NCAM2: variants seen among roughly 807,000 people sequenced by gnomAD.
NCAM2 encodes N-CAM-2.
A neutral mutation model predicts 98.1 loss-of-function variants in NCAM2; 30 were observed. The observed-to-expected ratio is 0.31, with a 90% confidence interval of 0.23 to 0.41. The LOEUF is 0.41. NCAM2 is among the 10% of genes least tolerant of loss of function. NCAM2 has a pLI of 1.00. For missense variants in NCAM2, 867 were observed against 1,005.8 expected (o/e 0.86, Z 1.87); for synonymous variants, 368 against 342.4 (o/e 1.07, Z -0.83).
At chr21:21,220,289 A>G (rs2070091517) in intron 1 of NCAM2, among the ~76,000 whole-genome samples, 1 of 152,198 alleles carries the variant, frequency 6.6e-6, no homozygotes, top group South Asian at 2.1e-4. Flanking sequence ...TAAATGTCAT[A>G]CATAGGCATA....
chr21:21,164,428 CAAGATATTTGCAAAG>C (rs1391575964), intron 1 of NCAM2, among the ~76,000 whole-genome samples: 5 of 152,020 alleles, frequency 3.3e-5, no homozygotes, highest in Non-Finnish European at 7.4e-5. Context: ...ATTACCTTTG[CAAGATATTTGCAAAG>C]AAGAATTGAT....
chr21:21,113,345 A>G (rs769414010), intron 1 of NCAM2, among the ~76,000 whole-genome samples: 1 of 152,210 alleles, frequency 6.6e-6, no homozygotes, highest in Non-Finnish European at 1.5e-5. Context: ...GGGAAAAGCC[A>G]ATTTCATTTA....
chr21:21,448,507 A>AAAAT (rs34765240), intron 12 of NCAM2, among the ~76,000 whole-genome samples: 3,393 of 151,498 alleles, frequency 0.022, 92 homozygotes, highest in East Asian at 0.12. Flanking sequence ...AAATTGAAGT[A>AAAAT]AAATAAATAA....
Position 21,542,307 on chromosome 21 carries a change from A to G in NCAM2, c.*4350A>G, listed in dbSNP as rs1172596607. On this transcript the variant is annotated 3_prime_UTR_variant, in exon 18 of 18. Transcript: ENST00000400546. The stretch of plus-strand genomic sequence containing the variant: ...GAATAGATTAATTATATCTTCTCAT[A>G]TAAAGGCAAAGAATTTTATATTATA... The G allele has an allele frequency of 6.6e-6, 1 of 151,804 alleles. No individual in the cohort carries two copies. Among genetic ancestry groups the G allele is most frequent in the African/African-American group, 2.4e-5 (1 of 41,430 alleles). 9.4% of individuals were successfully genotyped at this position (151,804 alleles called of 1,614,324 possible).
intron 1 of NCAM2, among the ~76,000 whole-genome samples, chr21:21,090,923 C>A (rs2066000044): frequency 6.6e-6 from 1 of 152,190 alleles, no homozygotes; most frequent in South Asian, 2.1e-4. Flanking sequence ...TAGACCACAA[C>A]CCCACCCCTA....
chr21:21,499,609 G>A (rs1987492030), intron 15 of NCAM2, among the ~76,000 whole-genome samples: 1 of 152,058 alleles, frequency 6.6e-6, no homozygotes, highest in Admixed American at 6.6e-5. Flanking sequence ...TATAAAAGTG[G>A]AGAAGTTCTA....
At chr21:21,019,203 C>T (rs778547278) in intron 1 of NCAM2, among the ~76,000 whole-genome samples, 2 of 152,316 alleles carry the variant, frequency 1.3e-5, no homozygotes, top group South Asian at 4.1e-4. Context: ...CAGTTCTGTT[C>T]CATGCTCAGT....
chr21:21,376,659 C>T (rs188876201), intron 9 of NCAM2, among the ~76,000 whole-genome samples: 34 of 151,672 alleles, frequency 2.2e-4, no homozygotes, highest in East Asian at 5.8e-4. Context: ...AACTTTAATA[C>T]GAAAAAAGTA....
intron 1 of NCAM2, among the ~76,000 whole-genome samples, chr21:21,194,967 A>C (rs924173167): frequency 1.3e-5 from 2 of 152,106 alleles, no homozygotes; most frequent in African/African-American, 2.4e-5. Flanking sequence ...TAAGAATTCA[A>C]ATTTTTTATG....
intron 1 of NCAM2, among the ~76,000 whole-genome samples, chr21:21,140,308 T>C (rs2826697): frequency 0.42 from 64,467 of 151,904 alleles, 14,224 homozygotes; most frequent in African/African-American, 0.55. Flanking sequence ...CTTCTAGGCA[T>C]TGAAGCTAAA....
intron 1 of NCAM2, among the ~76,000 whole-genome samples, chr21:21,019,382 A>C (rs956859606): frequency 3.9e-5 from 6 of 152,144 alleles, no homozygotes; most frequent in Non-Finnish European, 7.3e-5. Context: ...CTTCCATGCC[A>C]TAGGTTTTAT....
rs73216072 is a variant in NCAM2, at chr21:21,477,642, G to A, written c.2077+171G>A. ...AAAGTTTCTCATCGCTCTTGCCATA[G>A]GGTATTGCTTAATTTGTAAATATAT... On this transcript the variant is annotated intron_variant, in intron 15 of 17. Transcript: ENST00000400546. Among the ~76,000 whole-genome samples, 2,865 of 152,126 alleles carry A rather than the reference G, an allele frequency of 0.019. 55 individuals carry two copies. The highest frequency in any genetic ancestry group is 0.094 in the South Asian group (455 of 4,826).
intron 1 of NCAM2, among the ~76,000 whole-genome samples, chr21:21,021,825 TAG>T (rs2064443262): frequency 6.6e-6 from 1 of 152,300 alleles, no homozygotes; most frequent in East Asian, 1.9e-4. Flanking sequence ...AATCCAGTGT[TAG>T]AGTTTTTTAA....
intron 1 of NCAM2, among the ~76,000 whole-genome samples, chr21:21,234,675 C>T (rs904989605): frequency 6.6e-6 from 1 of 151,792 alleles, no homozygotes; most frequent in Non-Finnish European, 1.5e-5. Context: ...CGATTGTTTT[C>T]CCGGCATTAA....
chr21:21,075,229 C>T (rs545110344), intron 1 of NCAM2, among the ~76,000 whole-genome samples: 95 of 152,214 alleles, frequency 6.2e-4, no homozygotes, highest in African/African-American at 2.3e-3. Flanking sequence ...GGAGAAATAC[C>T]TGATGTAGAT....
In NCAM2 at chr21:21,398,267, G is replaced by T. The variant is rs904256384; in HGVS notation, c.1196-12007G>T. 4.6e-5 allele frequency among the ~76,000 whole-genome samples: 7 copies of T among 152,074 alleles called. No homozygotes were observed. The East Asian group carries it at 1.4e-3, about 29-fold the overall frequency. On this transcript the variant is annotated intron_variant, in intron 9 of 17. Coordinates refer to ENST00000400546, the MANE Select transcript of NCAM2 (RefSeq NM_004540.5). ...TGGACTTTGGGGACTGAAGGGAAAGGGTGAGAGTAGGGTGAGGGATAAAAT... is the reference window on the plus strand; with the variant it reads ...TGGACTTTGGGGACTGAAGGGAAAGTGTGAGAGTAGGGTGAGGGATAAAAT...
intron 1 of NCAM2, among the ~76,000 whole-genome samples, chr21:21,246,961 C>G (rs1191164691): frequency 1.3e-5 from 2 of 152,028 alleles, no homozygotes; most frequent in African/African-American, 4.8e-5. Context: ...AGCATTTAAC[C>G]TACTGGGTAA....
At chr21:21,528,864 T>G (rs1377148775) in intron 16 of NCAM2, among the ~76,000 whole-genome samples, 1 of 152,076 alleles carries the variant, frequency 6.6e-6, no homozygotes, top group Non-Finnish European at 1.5e-5. Flanking sequence ...GAAAAGTGAA[T>G]ATACAGAATA....
At chr21:21,335,156 C>T (rs1194607822) in intron 6 of NCAM2, among the ~76,000 whole-genome samples, 1 of 151,984 alleles carries the variant, frequency 6.6e-6, no homozygotes, top group Non-Finnish European at 1.5e-5. Flanking sequence ...TATTGTCTCA[C>T]CAACATTTAA....
Sources: gnomAD v4.1 joint callset for allele counts (sites outside exome capture counted in the v4.1 genomes callset) on GRCh38, gnomAD v4.1.1 for gene constraint, MANE v1.5 for transcripts, NCBI Gene and HGNC (gene_info 2026-07-23, HGNC 2026-07-21) for gene names.